INPP4B: variants seen among roughly 807,000 people sequenced by gnomAD.
INPP4B encodes inositol polyphosphate 4-phosphatase type II.
In INPP4B, 55 loss-of-function variants were observed where a neutral mutation model predicts 122.5. That is an observed-to-expected ratio of 0.45 (90% CI 0.36 to 0.56). The LOEUF is 0.56. Among genes scored for constraint, INPP4B ranks in the 20% least tolerant of loss-of-function variants. INPP4B has a pLI of 0.00. For synonymous variants in INPP4B, 403 were observed against 388.7 expected, an observed-to-expected ratio of 1.04 and a Z score of -0.43; for missense variants, 1,000 against 1,097.7, an observed-to-expected ratio of 0.91 and a Z score of 1.26.
At chr4:142,767,172 ATACTT>A (rs1554006370) in intron 1 of INPP4B, among the ~76,000 whole-genome samples, 1 of 152,170 alleles carries the variant, frequency 6.6e-6, no homozygotes, top group Non-Finnish European at 1.5e-5. Context: ...GGAAGTTACA[ATACTT>A]TAATGTTTGC....
chr4:142,040,465 G>A (rs559147871), intron 25 of INPP4B, among the ~76,000 whole-genome samples: 18 of 152,294 alleles, frequency 1.2e-4, no homozygotes, highest in Middle Eastern at 3.4e-3. Flanking sequence ...GGAGGAGAGC[G>A]TAAAATAATA....
intron 1 of INPP4B, among the ~76,000 whole-genome samples, chr4:142,785,324 T>C: frequency 6.6e-6 from 1 of 151,924 alleles, no homozygotes; most frequent in East Asian, 1.9e-4. Flanking sequence ...AACAACACAG[T>C]CTGAAGACAT....
intron 9 of INPP4B, among the ~76,000 whole-genome samples, chr4:142,273,356 T>C (rs952455277): frequency 3.9e-5 from 6 of 151,926 alleles, no homozygotes; most frequent in Non-Finnish European, 8.8e-5. Context: ...GAAATCGATA[T>C]CTGAGACTAT....
intron 1 of INPP4B, among the ~76,000 whole-genome samples, chr4:142,749,917 T>G (rs1475685840): frequency 6.6e-6 from 1 of 151,852 alleles, no homozygotes; most frequent in African/African-American, 2.4e-5. Flanking sequence ...CACACAATAA[T>G]AGATGAAAAA....
intron 12 of INPP4B, among the ~76,000 whole-genome samples, chr4:142,219,860 C>A (rs1848675308): frequency 6.6e-6 from 1 of 152,200 alleles, no homozygotes; most frequent in South Asian, 2.1e-4. Flanking sequence ...AGGTGTTATC[C>A]CTTTTGATAA....
chr4:142,604,345 C>T (rs1230902681), intron 2 of INPP4B, among the ~76,000 whole-genome samples: 1 of 152,038 alleles, frequency 6.6e-6, no homozygotes, highest in Non-Finnish European at 1.5e-5. Flanking sequence ...ATTTACTACT[C>T]CTATTTATCA....
chr4:142,736,860 C>A (rs1054339735), intron 1 of INPP4B, among the ~76,000 whole-genome samples: 1 of 152,114 alleles, frequency 6.6e-6, no homozygotes, highest in African/African-American at 2.4e-5. Flanking sequence ...TGAGAGAGGG[C>A]ACCCCTGTCT....
intron 25 of INPP4B, among the ~76,000 whole-genome samples, chr4:142,070,782 G>A (rs1322441663): frequency 6.6e-6 from 1 of 152,114 alleles, no homozygotes; most frequent in Non-Finnish European, 1.5e-5. Context: ...AGTTACAAGG[G>A]ATGTGAAGGA....
In INPP4B at chr4:142,593,060, C is replaced by T. The variant is rs145619244; in HGVS notation, c.-190-130334G>A. 3.8e-3 allele frequency among the ~76,000 whole-genome samples: 581 copies of T among 150,924 alleles called. 7 individuals are homozygous for T. The highest frequency in any genetic ancestry group is 0.018 in the East Asian group (95 of 5,140). On this transcript the variant is annotated intron_variant, in intron 2 of 25. Coordinates refer to ENST00000262992, the MANE Select transcript of INPP4B (RefSeq NM_001101669.3). ...TCAAGGCTGCAGTGAGACATTATCA[C>T]GCCACTGTACTCCAGCCTGGGTGAT...
chr4:142,660,391 C>G (rs1461764014), intron 2 of INPP4B, among the ~76,000 whole-genome samples: 1 of 152,108 alleles, frequency 6.6e-6, no homozygotes, highest in Admixed American at 6.5e-5. Flanking sequence ...CATCTTCAGT[C>G]TGTACCCCTT....
intron 2 of INPP4B, among the ~76,000 whole-genome samples, chr4:142,563,565 A>G (rs144356445): frequency 6.6e-6 from 1 of 152,316 alleles, no homozygotes; most frequent in Non-Finnish European, 1.5e-5. Flanking sequence ...CAATTCATAT[A>G]TATTAGAGCC....
chr4:142,138,518 C>G (rs1445849288), intron 18 of INPP4B, among the ~76,000 whole-genome samples: 1 of 151,706 alleles, frequency 6.6e-6, no homozygotes, highest in Admixed American at 6.6e-5. Flanking sequence ...CACATGTACC[C>G]TAAAACTTAG....
intron 2 of INPP4B, among the ~76,000 whole-genome samples, chr4:142,585,333 A>T (rs2150220747): frequency 6.6e-6 from 1 of 152,198 alleles, no homozygotes; most frequent in East Asian, 1.9e-4. Context: ...TTTTTGGAAG[A>T]TGCTCTTTCT....
chr4:142,549,281 C>T (rs1395813451), intron 2 of INPP4B, among the ~76,000 whole-genome samples: 1 of 152,090 alleles, frequency 6.6e-6, no homozygotes, highest in African/African-American at 2.4e-5. Flanking sequence ...AAATCTCATC[C>T]TCCCATACTG....
At chr4:142,112,361 G>A (rs1420716119) in intron 22 of INPP4B, among the ~76,000 whole-genome samples, 181 bp downstream of exon 22, 1 of 152,100 alleles carries the variant, frequency 6.6e-6, no homozygotes, top group Non-Finnish European at 1.5e-5. Context: ...AATTTGGCTT[G>A]GGCCAGGATT....
chr4:142,476,442 T>G (rs1332568670), intron 2 of INPP4B, among the ~76,000 whole-genome samples: 1 of 152,146 alleles, frequency 6.6e-6, no homozygotes, highest in African/African-American at 2.4e-5. Flanking sequence ...GTCTGCATGA[T>G]AACCAGCTAA....
At chr4:142,384,091 A>T in intron 7 of INPP4B, 1 of 702,110 alleles carries the variant, frequency 1.4e-6, no homozygotes, top group Non-Finnish European at 2.6e-6. Flanking sequence ...ATCCACTTAT[A>T]CTCAAATTCT....
chr4:142,107,757 T>C (rs1787886155), intron 23 of INPP4B, among the ~76,000 whole-genome samples: 1 of 152,142 alleles, frequency 6.6e-6, no homozygotes, highest in Non-Finnish European at 1.5e-5. Context: ...TTTAGTAAAG[T>C]CTTTTATATG....
chr4:142,780,743 A>C (rs565005960), intron 1 of INPP4B, among the ~76,000 whole-genome samples: 2 of 152,264 alleles, frequency 1.3e-5, no homozygotes, highest in East Asian at 3.9e-4. Flanking sequence ...GGTTGCAGTG[A>C]GCCAAGATCA....
Sources: gnomAD v4.1 joint callset for allele counts (sites outside exome capture counted in the v4.1 genomes callset) on GRCh38, gnomAD v4.1.1 for gene constraint, MANE v1.5 for transcripts, NCBI Gene and HGNC (gene_info 2026-07-23, HGNC 2026-07-21) for gene names.